The following SPATA18 variants were observed in gnomAD, a reference collection of about 807,000 sequenced individuals.
The protein encoded by SPATA18 is spermatogenesis associated 18, also known as mitochondria-eating protein.
SPATA18 carries 54 observed loss-of-function variants against 68.1 expected under a neutral mutation model. The ratio of observed to expected loss-of-function variants is 0.79; its 90% CI spans 0.64 to 0.99. SPATA18 has a LOEUF of 0.99. Among genes scored for constraint, SPATA18 ranks in the 50% least tolerant of loss-of-function variants. The pLI, the probability that SPATA18 is intolerant of heterozygous loss-of-function variation, is 0.00. For missense variants in SPATA18, 724 were observed against 681.1 expected, an observed-to-expected ratio of 1.06 and a Z score of -0.70; for synonymous variants, 242 against 244.8, an observed-to-expected ratio of 0.99 and a Z score of 0.11.
intron 11 of SPATA18, among the ~76,000 whole-genome samples, chr4:52,085,557 A>C (rs1028019292): frequency 6.6e-6 from 1 of 152,184 alleles, no homozygotes; most frequent in African/African-American, 2.4e-5. Flanking sequence ...CTATGAAGAT[A>C]ACATCCCTAA....
intron 9 of SPATA18, among the ~76,000 whole-genome samples, chr4:52,080,731 A>G (rs1334038104): frequency 3.9e-5 from 6 of 152,172 alleles, no homozygotes; most frequent in African/African-American, 1.4e-4. Flanking sequence ...AATGGGGGCA[A>G]TAATAATGCC....
rs368693724 is a variant in SPATA18, at chr4:52,060,512, G to A, written c.181G>A (p.Ala61Thr). Reference protein sequence around the residue: ...QGQLFGILTAAAQEGGRNDGV... With the variant: ...QGQLFGILTATAQEGGRNDGV... ...ACAACTCTTTGGGATCCTCACAGCAGCAGCCCAAGAAGGTGAGAATGGCCT... is the reference window on the plus strand; with the variant it reads ...ACAACTCTTTGGGATCCTCACAGCAACAGCCCAAGAAGGTGAGAATGGCCT... Residue 61 changes from alanine (A) to threonine (T), a missense_variant, in exon 2 of 13, where the codon GCA (alanine) becomes ACA (threonine). Ala to Thr is a moderately conservative substitution (Grantham distance 58). Coordinates refer to ENST00000295213, the MANE Select transcript of SPATA18 (RefSeq NM_145263.4). 6.2e-7 allele frequency: 1 copy of A among 1,613,790 alleles called. No individual in the cohort carries two copies. The highest frequency in any genetic ancestry group is 8.5e-7 in the Non-Finnish European group (1 of 1,179,870).
intron 1 of SPATA18, among the ~76,000 whole-genome samples, chr4:52,055,019 G>A (rs1738217286): frequency 6.6e-6 from 1 of 151,788 alleles, no homozygotes; most frequent in Admixed American, 6.6e-5. Flanking sequence ...TATTTTAACA[G>A]TAGCTTCATG....
intron 3 of SPATA18, among the ~76,000 whole-genome samples, chr4:52,061,487 A>AAATAATAATAATAATAATAAT (rs3050629): frequency 9.8e-5 from 14 of 143,538 alleles, no homozygotes; most frequent in Non-Finnish European, 1.8e-4. Context: ...CCTAAAGTAA[A>AAATAATAATAATAATAATAAT]AATAATAATA....
chr4:52,055,075 A>C (rs1227493760), intron 1 of SPATA18, among the ~76,000 whole-genome samples: 9 of 152,164 alleles, frequency 5.9e-5, no homozygotes, highest in Non-Finnish European at 5.9e-5. Context: ...GTATTTTTGC[A>C]GCAATCATGG....
At chr4:52,057,162 G>A (rs866289976) in intron 1 of SPATA18, among the ~76,000 whole-genome samples, 1 of 151,426 alleles carries the variant, frequency 6.6e-6, no homozygotes, top group African/African-American at 2.4e-5. Context: ...CATCTAATTA[G>A]TTCACTGACT....
At chr4:52,074,041 C>T (rs78640360) in intron 6 of SPATA18, among the ~76,000 whole-genome samples, 6,813 of 152,114 alleles carry the variant, frequency 0.045, 422 homozygotes, top group African/African-American at 0.14. Context: ...GGTTAAGTTC[C>T]CGTAGTGATT....
Position 52,077,162 on chromosome 4 carries a change from A to T in SPATA18, c.1020+122A>T, listed in dbSNP as rs375214711. 65 of 1,066,996 alleles carry T rather than the reference A, an allele frequency of 6.1e-5. 1 individual carries two copies. The South Asian group carries it at 1.0e-3, about 16-fold the overall frequency. 66.1% of individuals were successfully genotyped at this position (1,066,996 alleles called of 1,614,324 possible). ...AGGTCACTGAAGTGGGGGAGATTCC[A>T]GTCTCCCCATCTGTCTCCTTCCTTC... is the stretch of plus-strand genomic sequence containing the variant. On this transcript the variant is annotated intron_variant, in intron 7 of 12. Coordinates refer to ENST00000295213, the MANE Select transcript of SPATA18 (RefSeq NM_145263.4).
intron 6 of SPATA18, among the ~76,000 whole-genome samples, chr4:52,073,466 C>T (rs1740048824): frequency 6.6e-6 from 1 of 152,106 alleles, no homozygotes; most frequent in Non-Finnish European, 1.5e-5. Flanking sequence ...CCTTCCAATC[C>T]CCACCTCCAC....
intron 10 of SPATA18, 62 bp from the exon 11 acceptor site, chr4:52,084,854 T>A: frequency 6.6e-7 from 1 of 1,514,338 alleles, no homozygotes; most frequent in Non-Finnish European, 9.2e-7. Flanking sequence ...CATGTTGTTT[T>A]GAGCCATGAC....
chr4:52,065,080 G>T (rs1406819600), intron 4 of SPATA18, among the ~76,000 whole-genome samples: 1 of 151,950 alleles, frequency 6.6e-6, no homozygotes, highest in African/African-American at 2.4e-5. Flanking sequence ...CTTCTTTTGA[G>T]AATTGTCCAT....
At position 52,062,335 on chromosome 4, in the gene SPATA18, A is replaced by G; in HGVS notation, c.422+3A>G. 1 of 1,562,812 alleles carries G rather than the reference A, an allele frequency of 6.4e-7. No individual in the cohort carries two copies. Among genetic ancestry groups the G allele is most frequent in the Non-Finnish European group, 8.7e-7 (1 of 1,144,730 alleles). ...CAATGCAACCAGGTTCAAGACGAGT[A>G]AGAGGAATGCAAGTTATCTTTTTCC... On this transcript the variant is annotated splice_donor_region_variant and intron_variant, in intron 4 of 12. Transcript: ENST00000295213.
At chr4:52,083,866 A>G (rs1741168522) in intron 10 of SPATA18, among the ~76,000 whole-genome samples, 1 of 151,072 alleles carries the variant, frequency 6.6e-6, no homozygotes, top group South Asian at 2.1e-4. Flanking sequence ...TCAGCCTCCT[A>G]AGTAGCTGGG....
chr4:52,075,535 T>C (rs1740261561), intron 6 of SPATA18, among the ~76,000 whole-genome samples: 1 of 152,154 alleles, frequency 6.6e-6, no homozygotes, highest in African/African-American at 2.4e-5. Context: ...CCAGAATTGA[T>C]AGGCTGTTAG....
chr4:52,067,784 G>A (rs1265392841), intron 4 of SPATA18, among the ~76,000 whole-genome samples: 1 of 152,122 alleles, frequency 6.6e-6, no homozygotes, highest in Non-Finnish European at 1.5e-5. Flanking sequence ...AAATAAACTT[G>A]CTTGCATATT....
intron 1 of SPATA18, 77 bp downstream of exon 1, chr4:52,051,868 G>T (rs1308070158): frequency 7.2e-7 from 1 of 1,395,842 alleles, no homozygotes; most frequent in African/African-American, 1.6e-5. Flanking sequence ...ATTTCTTAGG[G>T]CTGGAGTTGG....
intron 9 of SPATA18, among the ~76,000 whole-genome samples, chr4:52,080,202 T>C (rs1272087882): frequency 6.6e-6 from 1 of 152,228 alleles, no homozygotes; most frequent in African/African-American, 2.4e-5. Flanking sequence ...TGCATTACTT[T>C]CTATTGGTTT....
chr4:52,058,150 G>A (rs1316497984), intron 1 of SPATA18, among the ~76,000 whole-genome samples: 1 of 152,138 alleles, frequency 6.6e-6, no homozygotes, highest in Non-Finnish European at 1.5e-5. Context: ...TCAGGCTATG[G>A]GTTTTAAATG....
At chr4:52,094,479 T>G in intron 11 of SPATA18, 48 bp from the exon 12 acceptor site, 2 of 1,579,552 alleles carry the variant, frequency 1.3e-6, no homozygotes, top group Non-Finnish European at 1.7e-6. Context: ...ATTCATCCTT[T>G]GAGCTCCGTC....
Sources: allele counts gnomAD v4.1 joint callset (sites outside exome capture counted in the v4.1 genomes callset), GRCh38; gene constraint gnomAD v4.1.1; transcripts MANE v1.5; gene names NCBI Gene and HGNC (gene_info 2026-07-23, HGNC 2026-07-21).